GREM2: variants seen among roughly 807,000 people sequenced by gnomAD.
GREM2 encodes gremlin 2, DAN family BMP antagonist, also known as gremlin-2.
In GREM2, 11 loss-of-function variants were observed where a neutral mutation model predicts 14.2. The ratio of observed to expected loss-of-function variants is 0.78; its 90% CI spans 0.49 to 1.28. The LOEUF (loss-of-function observed/expected upper bound fraction) is 1.28, where lower values mean the gene tolerates loss of function less well. Ranked by LOEUF, GREM2 falls within the 50% of genes most tolerant of loss-of-function variation. The pLI is 0.00. For synonymous variants in GREM2, 98 were observed against 97.6 expected (o/e 1.00, Z -0.02); for missense variants, 210 against 218.5 (o/e 0.96, Z 0.24).
intron 1 of GREM2, among the ~76,000 whole-genome samples, chr1:240,525,676 A>G (rs1207918296): frequency 2.0e-5 from 3 of 151,930 alleles, no homozygotes; most frequent in Non-Finnish European, 4.4e-5. Flanking sequence ...ATGGGGTTTC[A>G]CCATGTTGGC....
chr1:240,599,632 A>C (rs985074984), intron 1 of GREM2, among the ~76,000 whole-genome samples: 3 of 152,224 alleles, frequency 2.0e-5, no homozygotes, highest in Non-Finnish European at 4.4e-5. Flanking sequence ...GGGGAAGGGA[A>C]AAAACCTTCG....
At chr1:240,574,659 G>T (rs1650960625) in intron 1 of GREM2, among the ~76,000 whole-genome samples, 1 of 152,146 alleles carries the variant, frequency 6.6e-6, no homozygotes, top group African/African-American at 2.4e-5. Flanking sequence ...GGAGGTGGGG[G>T]TGTCGAGGGT....
At chr1:240,541,472 G>A (rs950809390) in intron 1 of GREM2, among the ~76,000 whole-genome samples, 8 of 152,132 alleles carry the variant, frequency 5.3e-5, no homozygotes, top group Non-Finnish European at 1.2e-4. Context: ...TGTTAACTAC[G>A]TTACATTTTC....
At chr1:240,498,097 GACA>G (rs1572363645) in intron 1 of GREM2, among the ~76,000 whole-genome samples, 1 of 152,084 alleles carries the variant, frequency 6.6e-6, no homozygotes, top group Non-Finnish European at 1.5e-5. Flanking sequence ...ACAGAGCTAA[GACA>G]GAGCTGACAG....
In GREM2 at chr1:240,602,861, C is replaced by A. The variant is rs555083887; in HGVS notation, c.-2+9023G>T. On this transcript the variant is annotated intron_variant, in intron 1 of 1. Transcript: ENST00000318160. Reference sequence around the variant, plus strand: ...GGCCGAGGCAGGCGGATCACGAGGTCAGGAGATCGAGACCATCCTGGCTAA... The same window carrying A: ...GGCCGAGGCAGGCGGATCACGAGGTAAGGAGATCGAGACCATCCTGGCTAA... Among the ~76,000 whole-genome samples the A allele has an allele frequency of 2.6e-5, 4 of 151,724 alleles. No homozygotes were observed. In the East Asian group the frequency reaches 5.9e-4, roughly 22 times the overall value.
At chr1:240,504,380 C>T (rs1000172396) in intron 1 of GREM2, among the ~76,000 whole-genome samples, 1 of 152,164 alleles carries the variant, frequency 6.6e-6, no homozygotes, top group Non-Finnish European at 1.5e-5. Flanking sequence ...CGGGGGCTAC[C>T]CGTAGGCTTT....
At chr1:240,499,401 C>G (rs1677513137) in intron 1 of GREM2, among the ~76,000 whole-genome samples, 1 of 152,136 alleles carries the variant, frequency 6.6e-6, no homozygotes, top group African/African-American at 2.4e-5. Context: ...GAAGGGAAGT[C>G]CCCAGGGCTG....
intron 1 of GREM2, among the ~76,000 whole-genome samples, chr1:240,609,018 A>G (rs1438010572): frequency 6.6e-6 from 1 of 152,172 alleles, no homozygotes; most frequent in East Asian, 1.9e-4. Context: ...AGAACACAAG[A>G]GAGTTTATTT....
intron 1 of GREM2, among the ~76,000 whole-genome samples, chr1:240,562,618 A>C (rs1679061995): frequency 1.3e-5 from 2 of 152,060 alleles, no homozygotes; most frequent in Admixed American, 1.3e-4. Flanking sequence ...ATGTCCTGGG[A>C]TTTCCAATAT....
intron 1 of GREM2, among the ~76,000 whole-genome samples, chr1:240,571,499 G>A (rs1679260277): frequency 6.6e-6 from 1 of 152,056 alleles, no homozygotes. Context: ...TTCGAGACCA[G>A]CCTGGCCAAC....
chr1:240,510,319 G>T (rs1368574699), intron 1 of GREM2, among the ~76,000 whole-genome samples: 1 of 129,846 alleles, frequency 7.7e-6, no homozygotes, highest in Non-Finnish European at 1.6e-5. Context: ...GCACTGAGCA[G>T]AGATCGCGCC....
intron 1 of GREM2, among the ~76,000 whole-genome samples, chr1:240,512,627 C>A (rs1400875980): frequency 7.1e-6 from 1 of 140,718 alleles, no homozygotes; most frequent in African/African-American, 2.7e-5. Context: ...TTCCCTGACG[C>A]ATTGATTTAA....
intron 1 of GREM2, among the ~76,000 whole-genome samples, chr1:240,497,400 A>G (rs1359396688): frequency 6.6e-6 from 1 of 152,068 alleles, no homozygotes; most frequent in African/African-American, 2.4e-5. Context: ...TATTTCTAAA[A>G]ATTGCCTCAC....
chr1:240,537,462 AAG>A (rs1678497649), intron 1 of GREM2, among the ~76,000 whole-genome samples: 1 of 152,134 alleles, frequency 6.6e-6, no homozygotes, highest in Non-Finnish European at 1.5e-5. Flanking sequence ...CTGACAAAAA[AAG>A]AGGGGGAAAG....
intron 1 of GREM2, among the ~76,000 whole-genome samples, chr1:240,575,840 A>G (rs889392990): frequency 6.6e-6 from 1 of 151,932 alleles, no homozygotes; most frequent in Non-Finnish European, 1.5e-5. Context: ...GTTTTTAACA[A>G]AGCTTACATA....
chr1:240,533,967 G>A (rs1678417717), intron 1 of GREM2, among the ~76,000 whole-genome samples: 1 of 152,152 alleles, frequency 6.6e-6, no homozygotes, highest in African/African-American at 2.4e-5. Context: ...GTAAGACCTG[G>A]TGCTACTTTT....
chr1:240,498,313 T>C (rs950797226), intron 1 of GREM2, among the ~76,000 whole-genome samples: 1 of 152,224 alleles, frequency 6.6e-6, no homozygotes, highest in Non-Finnish European at 1.5e-5. Context: ...TCTCGATGAC[T>C]GGGGCGAAGT....
intron 1 of GREM2, among the ~76,000 whole-genome samples, chr1:240,603,504 C>A (rs1679967934): frequency 1.3e-5 from 2 of 152,016 alleles, no homozygotes; most frequent in Non-Finnish European, 2.9e-5. Flanking sequence ...ATCCATCTCC[C>A]ATCCATCTCC....
chr1:240,493,293 C>T lies in GREM2; in HGVS notation c.183G>A (p.Val61=), dbSNP rs904222941. 1 of 1,614,006 alleles carries T rather than the reference C, an allele frequency of 6.2e-7. No homozygotes were observed. The highest frequency in any genetic ancestry group is 1.3e-5 in the African/African-American group (1 of 75,064). ...EVLASSQEAL[V]VTERKYLKSD... ...TCTTGAGGTACTTGCGCTCGGTGACCACCAGGGCCTCCTGGCTGGAGGCCA... is the reference window on the plus strand; with the variant it reads ...TCTTGAGGTACTTGCGCTCGGTGACTACCAGGGCCTCCTGGCTGGAGGCCA... The change falls in exon 2 of 2, where the codon GTG becomes GTA. Residue 61 remains valine, a synonymous_variant. Coordinates refer to ENST00000318160, the MANE Select transcript of GREM2 (RefSeq NM_022469.4).
Sources: allele counts gnomAD v4.1 joint callset (sites outside exome capture counted in the v4.1 genomes callset), GRCh38; gene constraint gnomAD v4.1.1; transcripts MANE v1.5; gene names NCBI Gene and HGNC (gene_info 2026-07-23, HGNC 2026-07-21).